The following LYPD4 variants were observed in gnomAD, a reference collection of about 807,000 sequenced individuals.
LYPD4 encodes ly6/PLAUR domain-containing protein 4.
Under a neutral mutation model 18.2 loss-of-function variants are expected in LYPD4, and 20 were observed. The observed-to-expected ratio is 1.10, with a 90% CI of 0.77 to 1.59. LYPD4 has a LOEUF of 1.59. LYPD4 is among the 40% of genes most tolerant of loss of function. The pLI, the probability that LYPD4 is intolerant of heterozygous loss-of-function variation, is 0.00. For synonymous variants in LYPD4, 111 were observed against 118.3 expected, an observed-to-expected ratio of 0.94 and a Z score of 0.40; for missense variants, 278 against 300.3, an observed-to-expected ratio of 0.93 and a Z score of 0.55.
downstream of LYPD4, chr19:41,835,350 T>C (rs1279670274): frequency 1.3e-5 from 2 of 152,258 alleles, no homozygotes; most frequent in Non-Finnish European, 2.9e-5. Context: ...ATATGTCCTG[T>C]CCCTGGTATC....
In LYPD4 at chr19:41,838,106, G is replaced by C. The variant is rs926827159; in HGVS notation, c.367C>G (p.Pro123Ala). Residue 123 changes from proline (P) to alanine (A), a missense_variant, in exon 4 of 5, where the codon CCT (proline) becomes GCT (alanine). Coordinates refer to ENST00000609812, the MANE Select transcript of LYPD4 (RefSeq NM_173506.7). ...GTGCTGGCCTTGAGTTTCACAAAAG[G>C]CTCCAAATTGGTGAGGTTGTTGCAG... ...YLCNNLTNLE[P>A]FVKLKASTPK... 3 of 1,614,104 alleles carry C rather than the reference G, an allele frequency of 1.9e-6. No homozygotes were observed. The highest frequency in any genetic ancestry group is 2.5e-6 in the Non-Finnish European group (3 of 1,179,988).
Position 41,839,395 on chromosome 19 carries a change from G to A in LYPD4, c.-110C>T. On this transcript the variant is annotated 5_prime_UTR_variant, in exon 2 of 5. Transcript: ENST00000609812. ...CGAATTCTTTGTCCACCTGTCTCTG[G>A]GTCACTGTTTCTGGAGCAGAAAGTT... 1 of 1,030,440 alleles carries A rather than the reference G, an allele frequency of 9.7e-7. No individual in the cohort carries two copies. Among genetic ancestry groups the A allele is most frequent in the South Asian group, 1.3e-5 (1 of 74,146 alleles). The allele number at this position is 1,030,440 out of a possible 1,614,324, so 63.8% of individuals were successfully genotyped here.
intron 1 of LYPD4, among the ~76,000 whole-genome samples, chr19:41,842,915 A>G (rs1395129919): frequency 1.3e-5 from 2 of 150,342 alleles, no homozygotes; most frequent in Non-Finnish European, 3.0e-5. Flanking sequence ...ACTCAAACAG[A>G]GGTCGGGTGT....
rs201291463 is a variant in LYPD4, at chr19:41,838,123, T to C, written c.350A>G (p.Asn117Ser). ...CACAAAAGGCTCCAAATTGGTGAGG[T>C]TGTTGCAGAGATAAGACCGGCAGAC... Reference protein sequence around the residue: ...SRVCRSYLCNNLTNLEPFVKL... With the variant: ...SRVCRSYLCNSLTNLEPFVKL... Residue 117 changes from asparagine (N) to serine (S), a missense_variant, in exon 4 of 5, where the codon AAC becomes AGC. Physicochemically the swap from Asn to Ser is conservative, Grantham distance 46. Transcript: ENST00000609812. 1.1e-5 allele frequency: 17 copies of C among 1,613,728 alleles called. No homozygotes were observed. Among genetic ancestry groups the C allele is most frequent in the Admixed American group, 3.3e-5 (2 of 59,966 alleles).
chr19:41,838,028 G>C lies in LYPD4; in HGVS notation c.445C>G (p.His149Asp). Residue 149 changes from histidine to aspartate, a missense_variant, in exon 4 of 5, where the codon CAC (histidine) becomes GAC (aspartate). Coordinates refer to ENST00000609812, the MANE Select transcript of LYPD4 (RefSeq NM_173506.7). The stretch of plus-strand genomic sequence containing the variant: ...AAATTTGGGAGGCAATCCTTCATGT[G>C]CTCGCCCACACAGGTCGGGCAGCTA... ...SCSCPTCVGEHMKDCLPNFVT... is the reference protein window; with the variant it reads ...SCSCPTCVGEDMKDCLPNFVT... 6.2e-7 allele frequency: 1 copy of C among 1,614,158 alleles called. No individual in the cohort carries two copies. The highest frequency in any genetic ancestry group is 8.5e-7 in the Non-Finnish European group (1 of 1,180,018).
chr19:41,836,989 TC>T (rs2073385989), downstream of LYPD4: 3 of 1,417,886 alleles, frequency 2.1e-6, no homozygotes, highest in East Asian at 7.5e-5. Context: ...AGGCTCCTCT[TC>T]CTGGGTCCCC....
chr19:41,837,204 G>A lies in LYPD4; in HGVS notation c.680C>T (p.Ser227Phe). The A allele has an allele frequency of 6.2e-7, 1 of 1,614,094 alleles. No individual in the cohort carries two copies. The highest frequency in any genetic ancestry group is 1.3e-5 in the African/African-American group (1 of 75,044). ...ACCCCAAGCAGGATCTTGCCTGGAG[G>A]ATGCTGCACCAACAATCTGAGACTT... ...LEKSQIVGAA[S>F]SRQDPAWGVV... Residue 227 changes from serine to phenylalanine, a missense_variant, in exon 5 of 5, where the codon TCC (serine) becomes TTC (phenylalanine). Ser to Phe is a radical substitution (Grantham distance 155, BLOSUM62 -2). Transcript: ENST00000609812.
At chr19:41,839,583 G>A (rs887856238) in intron 1 of LYPD4, 178 bp from the exon 2 acceptor site, 4 of 441,608 alleles carry the variant, frequency 9.1e-6, no homozygotes, top group African/African-American at 2.0e-5. Context: ...TGGACAAGGT[G>A]CTGAGCAGAG....
Position 41,837,125 on chromosome 19 carries a change from T to A in LYPD4, c.*18A>T, listed in dbSNP as rs2073390202. The A allele has an allele frequency of 6.2e-7, 1 of 1,613,366 alleles. No individual in the cohort carries two copies. The highest frequency in any genetic ancestry group is 8.5e-7 in the Non-Finnish European group (1 of 1,179,786). The stretch of plus-strand genomic sequence containing the variant: ...TTATGTGAAAGAGTCTGGGTGCTTG[T>A]CGGGTGCAGCTAGATGGTCAGTCCC... On this transcript the variant is annotated 3_prime_UTR_variant, in exon 5 of 5. Transcript: ENST00000609812.
rs1003178880 is a variant in LYPD4 at position 41,838,476 on chromosome 19, C to T, written c.212-215G>A. Among the ~76,000 whole-genome samples, 36 of 152,076 alleles carry T rather than the reference C, an allele frequency of 2.4e-4. 1 individual carries two copies. The highest frequency in any genetic ancestry group is 4.7e-4 in the Non-Finnish European group (32 of 68,022). On this transcript the variant is annotated intron_variant, in intron 3 of 4. Transcript: ENST00000609812. ...TTCCACTGCAGGACCTCCCCCAGCC[C>T]CCACTCCTCTCTCCCTTGTGCCCTC...
chr19:41,839,207 C>T lies in LYPD4; in HGVS notation c.67+12G>A. On this transcript the variant is annotated intron_variant, in intron 2 of 4. Transcript: ENST00000609812. ...TTCTGGGTCTTATAGCATCCAGCCC[C>T]ACAGGACATACGAGGCAGAGTGGAG... 6.2e-7 allele frequency: 1 copy of T among 1,614,144 alleles called. No homozygotes were observed. Among genetic ancestry groups the T allele is most frequent in the Non-Finnish European group, 8.5e-7 (1 of 1,180,028 alleles).
At position 41,838,029 on chromosome 19, in the gene LYPD4, C is replaced by T. The variant is rs1156763488; in HGVS notation, c.444G>A (p.Glu148=). ...AATTTGGGAGGCAATCCTTCATGTG[C>T]TCGCCCACACAGGTCGGGCAGCTAC... ...ASCSCPTCVG[E]HMKDCLPNFV... is the part of the protein sequence containing the mutation. The change falls in exon 4 of 5, where the codon GAG becomes GAA. Residue 148 remains glutamate, a synonymous_variant. Coordinates refer to ENST00000609812, the MANE Select transcript of LYPD4 (RefSeq NM_173506.7). The T allele has an allele frequency of 6.2e-7, 1 of 1,614,034 alleles. No individual in the cohort carries two copies. The highest frequency in any genetic ancestry group is 1.3e-5 in the African/African-American group (1 of 74,920).
chr19:41,839,527 A>C, intron 1 of LYPD4, 122 bp from the exon 2 acceptor site: 1 of 532,530 alleles, frequency 1.9e-6, no homozygotes, highest in South Asian at 2.5e-5. Context: ...CCACCATCTT[A>C]GCTTCTCAAA....
chr19:41,835,811 C>T, downstream of LYPD4: 1 of 985,460 alleles, frequency 1.0e-6, no homozygotes, highest in Non-Finnish European at 1.2e-6. Flanking sequence ...GCTCAAGCTA[C>T]TAACAAAGGT....
Position 41,844,282 on chromosome 19 carries a change from A to G in LYPD4, c.-825T>C, listed in dbSNP as rs76812595. Reference sequence around the variant, plus strand: ...ATGAACGCGGAGGGTGGAGCCAGCCAGAAATTCAGAAAAACTAGAGGCGTC... The same window carrying G: ...ATGAACGCGGAGGGTGGAGCCAGCCGGAAATTCAGAAAAACTAGAGGCGTC... On this transcript the variant is annotated 5_prime_UTR_variant, in exon 1 of 5. Transcript: ENST00000609812. 0.031 allele frequency: 4,663 copies of G among 152,416 alleles called. 251 individuals carry two copies. The highest frequency in any genetic ancestry group is 0.11 in the African/African-American group (4,386 of 41,556). The allele number at this position is 152,416 out of a possible 1,614,324, so 9.4% of individuals were successfully genotyped here.
chr19:41,838,293 C>T (rs782168908), intron 3 of LYPD4, 32 bp from the exon 4 acceptor site: 1 of 1,492,776 alleles, frequency 6.7e-7, no homozygotes, highest in East Asian at 2.3e-5. Flanking sequence ...GAGCTCAGAT[C>T]AGTGTCACTG....
downstream of LYPD4, chr19:41,835,744 T>A: frequency 1.0e-6 from 1 of 983,484 alleles, no homozygotes; most frequent in Non-Finnish European, 1.2e-6. Flanking sequence ...AACCGAAACC[T>A]CGTGTCAGTC....
At chr19:41,843,077 ACCC>A (rs1555833985) in intron 1 of LYPD4, among the ~76,000 whole-genome samples, 361 of 48,324 alleles carry the variant, frequency 7.5e-3, no homozygotes, top group Middle Eastern at 0.014. Context: ...AAAAAAAAAA[ACCC>A]CAACAACAAC....
chr19:41,842,824 G>C (rs570911855), intron 1 of LYPD4, among the ~76,000 whole-genome samples: 220 of 134,050 alleles, frequency 1.6e-3, no homozygotes, highest in African/African-American at 5.9e-3. Flanking sequence ...ATGACAGAAT[G>C]TGTACATGGA....
Sources: allele counts gnomAD v4.1 joint callset (sites outside exome capture counted in the v4.1 genomes callset), GRCh38; gene constraint gnomAD v4.1.1; transcripts MANE v1.5; gene names NCBI Gene and HGNC (gene_info 2026-07-23, HGNC 2026-07-21).